The following PERCC1 variants were observed in gnomAD, a reference collection of about 807,000 sequenced individuals.
The protein encoded by PERCC1 is protein PERCC1.
chr16:1,434,303 C>T lies in PERCC1; in HGVS notation c.*906C>T. 1 of 1,387,990 alleles carries T rather than the reference C, an allele frequency of 7.2e-7. No individual in the cohort carries two copies. Among genetic ancestry groups the T allele is most frequent in the Non-Finnish European group, 9.7e-7 (1 of 1,033,184 alleles). The allele number at this position is 1,387,990 out of a possible 1,614,324, so 86.0% of individuals were successfully genotyped here. On this transcript the variant is annotated 3_prime_UTR_variant, in exon 2 of 2. Transcript: ENST00000640283. ...GTCCCTCCAAGCTTGGGCACCCCCG[C>T]TGCCAGGGACCTCGCCACCCCGCTC...
chr16:1,432,836 G>A lies in PERCC1; in HGVS notation c.243G>A (p.Glu81=), dbSNP rs1042250888. 2.5e-6 allele frequency: 1 copy of A among 398,668 alleles called. No individual in the cohort carries two copies. The highest frequency in any genetic ancestry group is 4.4e-5 in the Admixed American group (1 of 22,742). The allele number at this position is 398,668 out of a possible 1,614,324, so 24.7% of individuals were successfully genotyped here. A position where few individuals can be genotyped will look rare whatever the true frequency, so the allele number is the denominator to read the frequency against. The part of the protein sequence containing the change: ...EAAPEGPGSP[E]TPLQLLRFSE... Reference sequence around the variant, plus strand: ...CCCCCGAGGGTCCCGGCAGCCCCGAGACCCCGCTGCAGCTGCTACGCTTTT... The same window carrying A: ...CCCCCGAGGGTCCCGGCAGCCCCGAAACCCCGCTGCAGCTGCTACGCTTTT... Residue 81 remains glutamate, a synonymous_variant, in exon 2 of 2, where the codon GAG becomes GAA. Coordinates refer to ENST00000640283, the MANE Select transcript of PERCC1 (RefSeq NM_001365310.2).
In PERCC1 at chr16:1,432,673, C is replaced by T. The variant is rs1002058701; in HGVS notation, c.80C>T (p.Pro27Leu). 2.7e-5 allele frequency: 11 copies of T among 400,474 alleles called. No homozygotes were observed. The highest frequency in any genetic ancestry group is 4.4e-5 in the Admixed American group (1 of 22,706). The allele number at this position is 400,474 out of a possible 1,614,324, so 24.8% of individuals were successfully genotyped here. ...LRHHPFLPSD[P>L]EPPETSEEEE... ...CACCACCCCTTCCTGCCCTCAGATC[C>T]GGAGCCCCCAGAGACTTCGGAGGAG... The change falls in exon 2 of 2, where the codon CCG becomes CTG. Residue 27 changes from proline (P) to leucine (L), a missense_variant. Physicochemically the swap from Pro to Leu is moderately conservative, Grantham distance 98. Coordinates refer to ENST00000640283, the MANE Select transcript of PERCC1 (RefSeq NM_001365310.2).
rs72210635 is a variant in PERCC1, at chr16:1,432,701, A to AGAGGAGGAGGAGGAGGAG, written c.125_142dup (p.Glu42_Glu47dup). ...AGCCCCCAGAGACTTCGGAGGAGGA[A>AGAGGAGGAGGAGGAGGAG]GAGGAGGAGGAGGAGGAGGAGGAGG... is the stretch of plus-strand genomic sequence containing the variant. On this transcript the variant is annotated inframe_insertion, in exon 2 of 2. Coordinates refer to ENST00000640283, the MANE Select transcript of PERCC1 (RefSeq NM_001365310.2). 9.4e-5 allele frequency: 37 copies of AGAGGAGGAGGAGGAGGAG among 394,996 alleles called. No homozygotes were observed. Among genetic ancestry groups the AGAGGAGGAGGAGGAGGAG allele is most frequent in the African/African-American group, 4.8e-4 (23 of 47,760 alleles). 24.5% of individuals were successfully genotyped at this position (394,996 alleles called of 1,614,324 possible).
At chr16:1,431,346 C>G (rs1305524869) in intron 1 of PERCC1, among the ~76,000 whole-genome samples, 1 of 152,142 alleles carries the variant, frequency 6.6e-6, no homozygotes, top group Non-Finnish European at 1.5e-5. Context: ...GCTCAGGACA[C>G]TGGATGCCTC....
chr16:1,432,701 A>AGAGGAGGAGGAGGAAGAG lies in PERCC1; in HGVS notation c.122_123insAGAGGAGGAGGAGGAGGA (p.Glu42_Glu47dup), dbSNP rs2038459273. 3.4e-6 allele frequency: 1 copy of AGAGGAGGAGGAGGAAGAG among 297,128 alleles called. No individual in the cohort carries two copies. Among genetic ancestry groups the AGAGGAGGAGGAGGAAGAG allele is most frequent in the African/African-American group, 2.3e-5 (1 of 43,702 alleles). The allele number at this position is 297,128 out of a possible 1,614,324, so 18.4% of individuals were successfully genotyped here. A position where few individuals can be genotyped will look rare whatever the true frequency, so the allele number is the denominator to read the frequency against. On this transcript the variant is annotated inframe_insertion, in exon 2 of 2. Coordinates refer to ENST00000640283, the MANE Select transcript of PERCC1 (RefSeq NM_001365310.2). ...AGCCCCCAGAGACTTCGGAGGAGGA[A>AGAGGAGGAGGAGGAAGAG]GAGGAGGAGGAGGAGGAGGAGGAGG... is the stretch of plus-strand genomic sequence containing the variant.
Position 1,433,235 on chromosome 16 carries a change from C to G in PERCC1, c.642C>G (p.Pro214=), listed in dbSNP as rs954778005. 1 of 398,724 alleles carries G rather than the reference C, an allele frequency of 2.5e-6. No individual in the cohort carries two copies. Among genetic ancestry groups the G allele is most frequent in the Non-Finnish European group, 4.4e-6 (1 of 226,068 alleles). The allele number at this position is 398,724 out of a possible 1,614,324, so 24.7% of individuals were successfully genotyped here. A position where few individuals can be genotyped will look rare whatever the true frequency, so the allele number is the denominator to read the frequency against. The change falls in exon 2 of 2, where the codon CCC becomes CCG. Residue 214 remains proline (P), a synonymous_variant. Transcript: ENST00000640283. ...HITPMAQRKL[P]PSFWKEPTPS... Reference sequence around the variant, plus strand: ...CCCCCATGGCCCAGAGGAAGCTGCCCCCATCCTTCTGGAAGGAGCCGACCC... The same window carrying G: ...CCCCCATGGCCCAGAGGAAGCTGCCGCCATCCTTCTGGAAGGAGCCGACCC...
chr16:1,431,145 G>C (rs992633985), intron 1 of PERCC1, 37 bp downstream of exon 1: 1 of 152,298 alleles, frequency 6.6e-6, no homozygotes, highest in African/African-American at 2.4e-5. Context: ...GACGCTGCTG[G>C]GGACACCACA....
At position 1,432,811 on chromosome 16, in the gene PERCC1, C is replaced by T. The variant is rs1329804880; in HGVS notation, c.218C>T (p.Ala73Val). 3 of 398,494 alleles carry T rather than the reference C, an allele frequency of 7.5e-6. No individual in the cohort carries two copies. Among genetic ancestry groups the T allele is most frequent in the Non-Finnish European group, 8.9e-6 (2 of 225,978 alleles). 24.7% of individuals were successfully genotyped at this position (398,494 alleles called of 1,614,324 possible). Residue 73 changes from alanine (A) to valine (V), a missense_variant, in exon 2 of 2, where the codon GCC (alanine) becomes GTC (valine). Transcript: ENST00000640283. ...CGGGCAGAGGCCACGGAGGAAGCAG[C>T]CCCCGAGGGTCCCGGCAGCCCCGAG... is the stretch of plus-strand genomic sequence containing the variant. ...SGRAEATEEAAPEGPGSPETP... is the reference protein window; with the variant it reads ...SGRAEATEEAVPEGPGSPETP...
Position 1,432,252 on chromosome 16 carries a change from C to T in PERCC1, c.-47-295C>T, listed in dbSNP as rs568535133. ...CCCAACTGCCCCCCACGACAGGACC[C>T]CACTGCTCCCACCCAGTCACCATCC... On this transcript the variant is annotated intron_variant, in intron 1 of 1. Coordinates refer to ENST00000640283, the MANE Select transcript of PERCC1 (RefSeq NM_001365310.2). Among the ~76,000 whole-genome samples the T allele has an allele frequency of 4.6e-5, 7 of 152,294 alleles. No individual in the cohort carries two copies. The South Asian group carries it at 1.2e-3, about 27-fold the overall frequency.
chr16:1,432,727 A>G lies in PERCC1; in HGVS notation c.134A>G (p.Glu45Gly), dbSNP rs1447950133. 1 of 400,394 alleles carries G rather than the reference A, an allele frequency of 2.5e-6. No individual in the cohort carries two copies. Among genetic ancestry groups the G allele is most frequent in the Non-Finnish European group, 4.4e-6 (1 of 227,636 alleles). The allele number at this position is 400,394 out of a possible 1,614,324, so 24.8% of individuals were successfully genotyped here. A position where few individuals can be genotyped will look rare whatever the true frequency, so the allele number is the denominator to read the frequency against. ...EEEEEEEEEE[E>G]EEGEGEGLGG... ...GAGGAGGAGGAGGAGGAGGAGGAGG[A>G]GGAGGAGGGCGAGGGCGAGGGGCTG... Residue 45 changes from glutamate (E) to glycine (G), a missense_variant, in exon 2 of 2, where the codon GAG (glutamate) becomes GGG (glycine). Transcript: ENST00000640283.
chr16:1,432,184 C>G (rs2038453618), intron 1 of PERCC1, among the ~76,000 whole-genome samples: 1 of 152,162 alleles, frequency 6.6e-6, no homozygotes, highest in Admixed American at 6.5e-5. Flanking sequence ...TCCTCCCCTC[C>G]CAAGTGACCA....
rs2038474211 is a variant in PERCC1, at chr16:1,434,042, C to T, written c.*645C>T. ...CAGGGAGCCCGAGTCCAGGGGGCTT[C>T]CCCGGGTCCTCCTCACAACCCGGGC... On this transcript the variant is annotated 3_prime_UTR_variant, in exon 2 of 2. Transcript: ENST00000640283. Among the ~76,000 whole-genome samples, 1 of 116,200 alleles carries T rather than the reference C, an allele frequency of 8.6e-6. No homozygotes were observed. Among genetic ancestry groups the T allele is most frequent in the Admixed American group, 8.5e-5 (1 of 11,720 alleles). The allele number at this position is 116,200 out of a possible 152,430, so 76.2% of individuals were successfully genotyped here.
chr16:1,431,962 G>C (rs187954572), intron 1 of PERCC1, among the ~76,000 whole-genome samples: 4 of 151,644 alleles, frequency 2.6e-5, no homozygotes, highest in African/African-American at 9.7e-5. Flanking sequence ...GAACCCCACG[G>C]GGGCTGCACG....
rs1441369100 is a variant in PERCC1, at chr16:1,433,168, C to G, written c.575C>G (p.Ala192Gly). 2.5e-6 allele frequency: 1 copy of G among 398,618 alleles called. No individual in the cohort carries two copies. Among genetic ancestry groups the G allele is most frequent in the Non-Finnish European group, 4.4e-6 (1 of 226,024 alleles). The allele number at this position is 398,618 out of a possible 1,614,324, so 24.7% of individuals were successfully genotyped here. A position where few individuals can be genotyped will look rare whatever the true frequency, so the allele number is the denominator to read the frequency against. ...LQQYWGSRAA[A>G]GWSLTLERKY... Reference sequence around the variant, plus strand: ...CAGTACTGGGGGTCCAGGGCAGCGGCCGGCTGGAGCCTGACGCTGGAGCGG... The same window carrying G: ...CAGTACTGGGGGTCCAGGGCAGCGGGCGGCTGGAGCCTGACGCTGGAGCGG... Residue 192 changes from alanine (A) to glycine (G), a missense_variant, in exon 2 of 2, where the codon GCC (alanine) becomes GGC (glycine). Ala to Gly is a moderately conservative substitution (Grantham distance 60, BLOSUM62 0). Transcript: ENST00000640283.
chr16:1,434,361 G>C lies in PERCC1; in HGVS notation c.*964G>C. The C allele has an allele frequency of 6.5e-7, 1 of 1,539,380 alleles. No homozygotes were observed. Among genetic ancestry groups the C allele is most frequent in the South Asian group, 1.2e-5 (1 of 83,160 alleles). ...CAGGCCCTGGGTAGGCTGTCTCCCA[G>C]CACACATCAGGGAACCTCAGCTCTA... is the stretch of plus-strand genomic sequence containing the variant. On this transcript the variant is annotated 3_prime_UTR_variant, in exon 2 of 2. Coordinates refer to ENST00000640283, the MANE Select transcript of PERCC1 (RefSeq NM_001365310.2).
In PERCC1 at chr16:1,433,355, G is replaced by C; in HGVS notation, c.762G>C (p.Arg254Ser). The C allele has an allele frequency of 2.5e-6, 1 of 398,574 alleles. No individual in the cohort carries two copies. Among genetic ancestry groups the C allele is most frequent in the Non-Finnish European group, 4.4e-6 (1 of 226,032 alleles). The allele number at this position is 398,574 out of a possible 1,614,324, so 24.7% of individuals were successfully genotyped here. The part of the protein sequence containing the change: ...STEACPELPG[R>S]GTPALEGARP... ...AGGCCTGTCCTGAGCTGCCCGGCAGGGGAACCCCAGCCCTGGAAGGGGCAC... is the reference window on the plus strand; with the variant it reads ...AGGCCTGTCCTGAGCTGCCCGGCAGCGGAACCCCAGCCCTGGAAGGGGCAC... The change falls in exon 2 of 2, where the codon AGG becomes AGC. Residue 254 changes from arginine to serine, a missense_variant. Coordinates refer to ENST00000640283, the MANE Select transcript of PERCC1 (RefSeq NM_001365310.2).
At position 1,433,741 on chromosome 16, in the gene PERCC1, G is replaced by A. The variant is rs1226814318; in HGVS notation, c.*344G>A. Among the ~76,000 whole-genome samples the A allele has an allele frequency of 6.6e-6, 1 of 152,192 alleles. No homozygotes were observed. The highest frequency in any genetic ancestry group is 2.4e-5 in the African/African-American group (1 of 41,438). On this transcript the variant is annotated 3_prime_UTR_variant, in exon 2 of 2. Transcript: ENST00000640283. The stretch of plus-strand genomic sequence containing the variant: ...GATTCCAGGTGAGCAGCAAGGGGCG[G>A]TGGAGGACAGAGCCCCCCGAGCCAG...
Position 1,432,491 on chromosome 16 carries a change from C to T in PERCC1, c.-47-56C>T, listed in dbSNP as rs1050664872. 4.8e-5 allele frequency: 19 copies of T among 398,164 alleles called. 1 individual carries two copies. Among genetic ancestry groups the T allele is most frequent in the Admixed American group, 3.1e-4 (7 of 22,714 alleles). The allele number at this position is 398,164 out of a possible 1,614,324, so 24.7% of individuals were successfully genotyped here. ...GAGATCCGAGGGCAGCAGTCGAGGG[C>T]GGCGGGGGCATGGCCAGGCCTGACA... On this transcript the variant is annotated intron_variant, in intron 1 of 1. Transcript: ENST00000640283.
intron 1 of PERCC1, among the ~76,000 whole-genome samples, chr16:1,431,669 C>G (rs2038449778): frequency 6.6e-6 from 1 of 151,766 alleles, no homozygotes; most frequent in Non-Finnish European, 1.5e-5. Flanking sequence ...ACCCACGTGT[C>G]CCCTCGAGGA....
Sources: gnomAD v4.1 joint callset for allele counts (sites outside exome capture counted in the v4.1 genomes callset) on GRCh38, gnomAD v4.1.1 for gene constraint, MANE v1.5 for transcripts, NCBI Gene and HGNC (gene_info 2026-07-23, HGNC 2026-07-21) for gene names.